APIP: variants seen among roughly 807,000 people sequenced by gnomAD.
APIP encodes methylthioribulose-1-phosphate dehydratase.
Under a neutral mutation model 32.0 loss-of-function variants are expected in APIP, and 32 were observed. That is an observed-to-expected ratio of 1.00 (90% CI 0.76 to 1.34). The LOEUF is 1.34. Ranked by LOEUF, APIP falls within the 40% of genes most tolerant of loss-of-function variation. APIP has a pLI of 0.00. For missense variants in APIP, 247 were observed against 298.6 expected (o/e 0.83, Z 1.27); for synonymous variants, 92 against 94.8 (o/e 0.97, Z 0.17).
At chr11:34,911,268 T>C (rs1259319107) in intron 1 of APIP, among the ~76,000 whole-genome samples, 1 of 152,072 alleles carries the variant, frequency 6.6e-6, no homozygotes, top group Non-Finnish European at 1.5e-5. Context: ...CTGGATGTAC[T>C]TGTGCTGCAG....
chr11:34,885,593 C>T (rs1853054501), intron 5 of APIP, among the ~76,000 whole-genome samples: 1 of 152,138 alleles, frequency 6.6e-6, no homozygotes, highest in Non-Finnish European at 1.5e-5. Flanking sequence ...GGGCAATTGT[C>T]AGTCGGCCAC....
At chr11:34,891,833 G>A (rs756917057) in intron 2 of APIP, among the ~76,000 whole-genome samples, 1 of 152,104 alleles carries the variant, frequency 6.6e-6, no homozygotes, top group Non-Finnish European at 1.5e-5. Flanking sequence ...TATTAACAAG[G>A]GCTCTTTGTG....
Position 34,916,143 on chromosome 11 carries a change from G to A in APIP, c.57+85C>T, listed in dbSNP as rs1772144735. The A allele has an allele frequency of 3.9e-6, 6 of 1,527,034 alleles. No homozygotes were observed. The East Asian group carries it at 7.4e-5, about 19-fold the overall frequency. The allele number at this position is 1,527,034 out of a possible 1,614,324, so 94.6% of individuals were successfully genotyped here. A position where few individuals can be genotyped will look rare whatever the true frequency, so the allele number is the denominator to read the frequency against. On this transcript the variant is annotated intron_variant, in intron 1 of 6. Transcript: ENST00000395787. ...CGCCCCGCAGCTAAACGCCCGGCCCGCTACCCTGCGCCCAGCTCCAGCCGC... is the reference window on the plus strand; with the variant it reads ...CGCCCCGCAGCTAAACGCCCGGCCCACTACCCTGCGCCCAGCTCCAGCCGC...
At chr11:34,895,219 T>C (rs1183435443) in intron 1 of APIP, 109 bp from the exon 2 acceptor site, 1 of 927,296 alleles carries the variant, frequency 1.1e-6, no homozygotes, top group South Asian at 1.5e-5. Context: ...GAAAACATAC[T>C]ATAGAAAGAG....
chr11:34,915,001 C>CAAA (rs33914497), intron 1 of APIP, among the ~76,000 whole-genome samples: 4 of 76,384 alleles, frequency 5.2e-5, no homozygotes, highest in Admixed American at 1.8e-4. Flanking sequence ...CAAAACGTGT[C>CAAA]AAAAAAAAAA....
chr11:34,916,348 T>C lies in APIP; in HGVS notation c.-64A>G, dbSNP rs555955830. On this transcript the variant is annotated 5_prime_UTR_variant, in exon 1 of 7. Coordinates refer to ENST00000395787, the MANE Select transcript of APIP (RefSeq NM_015957.4). ...ACGGCTTTGCGCGCGGCGCTTAGCC[T>C]GGGATACGGCAGCGAGGCCGCAAAT... 1.3e-6 allele frequency: 2 copies of C among 1,593,656 alleles called. No individual in the cohort carries two copies. Among genetic ancestry groups the C allele is most frequent in the South Asian group, 2.3e-5 (2 of 88,526 alleles).
At chr11:34,894,267 T>G (rs1417968891) in intron 2 of APIP, among the ~76,000 whole-genome samples, 1 of 152,184 alleles carries the variant, frequency 6.6e-6, no homozygotes, top group Non-Finnish European at 1.5e-5. Context: ...GCAGGCACTA[T>G]ATTCATTAAT....
At chr11:34,895,256 A>T in intron 1 of APIP, 146 bp from the exon 2 acceptor site, 1 of 707,314 alleles carries the variant, frequency 1.4e-6, no homozygotes, top group Non-Finnish European at 2.3e-6. Flanking sequence ...ACTATTACAA[A>T]CATATTTTGT....
Position 34,888,308 on chromosome 11 carries a change from G to T in APIP, c.446C>A (p.Ser149Tyr). 1 of 1,596,330 alleles carries T rather than the reference G, an allele frequency of 6.3e-7. No individual in the cohort carries two copies. ...EMIKGIKKCT[S>Y]GGYYRYDDML... ...AAAAAAATACCTATAATACCCTCCG[G>T]AAGTACATTTCTTTATTCCTTTTAT... The change falls in exon 5 of 7, where the codon TCC (serine) becomes TAC (tyrosine). Residue 149 changes from serine (S) to tyrosine (Y), a missense_variant. Ser to Tyr is a moderately radical substitution (Grantham distance 144). Coordinates refer to ENST00000395787, the MANE Select transcript of APIP (RefSeq NM_015957.4).
Position 34,901,201 on chromosome 11 carries a change from C to T in APIP, c.58-6091G>A, listed in dbSNP as rs114370528. 1.5e-3 allele frequency among the ~76,000 whole-genome samples: 229 copies of T among 152,198 alleles called. 1 individual carries two copies. Among genetic ancestry groups the T allele is most frequent in the African/African-American group, 5.3e-3 (218 of 41,450 alleles). ...GCAAGCTTGCAAAGTCCAGAATCCC[C>T]AAGGTGCATCCACTAGCTGTTATCG... is the stretch of plus-strand genomic sequence containing the variant. On this transcript the variant is annotated intron_variant, in intron 1 of 6. Transcript: ENST00000395787.
In APIP at chr11:34,896,618, C is replaced by G. The variant is rs370531723; in HGVS notation, c.58-1508G>C. 2.1e-3 allele frequency: 847 copies of G among 400,746 alleles called. 19 individuals are homozygous for G. The highest frequency in any genetic ancestry group is 0.017 in the South Asian group (819 of 48,820). 24.8% of individuals were successfully genotyped at this position (400,746 alleles called of 1,614,324 possible). ...GGATAGCATTAGGAGAAATACCTAACATAGATGATGAGTTGAGGGGTGCAG... is the reference window on the plus strand; with the variant it reads ...GGATAGCATTAGGAGAAATACCTAAGATAGATGATGAGTTGAGGGGTGCAG... On this transcript the variant is annotated intron_variant, in intron 1 of 6. Coordinates refer to ENST00000395787, the MANE Select transcript of APIP (RefSeq NM_015957.4).
chr11:34,898,570 C>G (rs552140743), intron 1 of APIP, among the ~76,000 whole-genome samples: 25 of 149,872 alleles, frequency 1.7e-4, no homozygotes, highest in Non-Finnish European at 1.9e-4. Context: ...TATCCACAGT[C>G]TCTCTCTCTC....
chr11:34,912,430 C>T (rs1293504765), intron 1 of APIP, among the ~76,000 whole-genome samples: 1 of 152,172 alleles, frequency 6.6e-6, no homozygotes, highest in African/African-American at 2.4e-5. Context: ...GTTCTCTCTC[C>T]TAGCTTGAAA....
chr11:34,903,217 C>A (rs1853394745), intron 1 of APIP, among the ~76,000 whole-genome samples: 1 of 152,188 alleles, frequency 6.6e-6, no homozygotes, highest in Admixed American at 6.5e-5. Flanking sequence ...ATAGTACAGA[C>A]CTATGCAGCA....
At chr11:34,905,993 C>T (rs1337796788) in intron 1 of APIP, among the ~76,000 whole-genome samples, 1 of 152,186 alleles carries the variant, frequency 6.6e-6, no homozygotes, top group African/African-American at 2.4e-5. Context: ...GGACGCTTCT[C>T]ACTTGACATG....
At chr11:34,899,565 AC>A (rs1401320416) in intron 1 of APIP, among the ~76,000 whole-genome samples, 1 of 152,132 alleles carries the variant, frequency 6.6e-6, no homozygotes, top group Non-Finnish European at 1.5e-5. Flanking sequence ...AATCTAGCAT[AC>A]CCCCTCCATT....
At chr11:34,886,843 G>C (rs1853081237) in intron 5 of APIP, among the ~76,000 whole-genome samples, 1 of 152,180 alleles carries the variant, frequency 6.6e-6, no homozygotes, top group South Asian at 2.1e-4. Flanking sequence ...TGTGCAGTAG[G>C]CTATACCATT....
rs1853499214 is a variant in APIP, at chr11:34,908,998, A to G, written c.57+7230T>C. Among the ~76,000 whole-genome samples the G allele has an allele frequency of 2.0e-5, 3 of 152,208 alleles. No homozygotes were observed. In the South Asian group the frequency reaches 6.2e-4, roughly 32 times the overall value. ...GAGTCTGTTTTGGAAACATTTGCACAGTGTCAGTAAACGAAAGAGGCTGAA... is the reference window on the plus strand; with the variant it reads ...GAGTCTGTTTTGGAAACATTTGCACGGTGTCAGTAAACGAAAGAGGCTGAA... On this transcript the variant is annotated intron_variant, in intron 1 of 6. Transcript: ENST00000395787.
intron 1 of APIP, among the ~76,000 whole-genome samples, chr11:34,910,557 A>G (rs1368367984): frequency 2.6e-5 from 4 of 152,222 alleles, no homozygotes; most frequent in Non-Finnish European, 5.9e-5. Flanking sequence ...AGAAGCTGGC[A>G]TTAGAAAAAC....
Sources: gnomAD v4.1 joint callset for allele counts (sites outside exome capture counted in the v4.1 genomes callset) on GRCh38, gnomAD v4.1.1 for gene constraint, MANE v1.5 for transcripts, NCBI Gene and HGNC (gene_info 2026-07-23, HGNC 2026-07-21) for gene names.